Variants in FTCDNL1 observed in about 807,000 individuals in gnomAD.
The protein encoded by FTCDNL1 is formiminotransferase cyclodeaminase N-terminal like, also known as formiminotransferase N-terminal subdomain-containing protein.
FTCDNL1 carries 11 observed loss-of-function variants against 5.9 expected under a neutral mutation model. That is an observed-to-expected ratio of 1.87 (90% confidence interval 1.18 to 3.10). The LOEUF is 3.10. Among genes scored for constraint, FTCDNL1 ranks in the 30% most tolerant of loss-of-function variants. FTCDNL1 has a pLI of 0.00. For synonymous variants in FTCDNL1, 58 were observed against 24.8 expected, an observed-to-expected ratio of 2.34 and a Z score of -3.99; for missense variants, 115 against 65.5, an observed-to-expected ratio of 1.76 and a Z score of -2.61.
At chr2:199,756,686 A>G (rs557772279), downstream of FTCDNL1, among the ~76,000 whole-genome samples, 1 of 152,358 alleles carries the variant, frequency 6.6e-6, no homozygotes, top group Non-Finnish European at 1.5e-5. Flanking sequence ...AGGAGGTTGT[A>G]TCGGTCACAA....
the FTCDNL1 span, among the ~76,000 whole-genome samples, chr2:199,717,587 T>C: frequency 1.6e-5 from 2 of 128,914 alleles, no homozygotes; most frequent in Admixed American, 9.4e-5. Context: ...TTTCACAGAA[T>C]AATATACAAC....
the FTCDNL1 span, among the ~76,000 whole-genome samples, chr2:199,737,157 T>G: frequency 2.0e-5 from 3 of 152,368 alleles, no homozygotes; most frequent in South Asian, 4.1e-4. Flanking sequence ...CCAAATCTCA[T>G]GTCTGTCACT....
chr2:199,725,250 T>A, the FTCDNL1 span, among the ~76,000 whole-genome samples: 2 of 152,200 alleles, frequency 1.3e-5, no homozygotes, highest in African/African-American at 4.8e-5. Flanking sequence ...TTTTCCTTCA[T>A]CCTTTTCTTT....
intron 3 of FTCDNL1, among the ~76,000 whole-genome samples, chr2:199,776,786 T>C (rs1276909196): frequency 6.6e-6 from 1 of 152,168 alleles, no homozygotes; most frequent in African/African-American, 2.4e-5. Flanking sequence ...ACTGTATTAG[T>C]ATACTCCAGA....
At chr2:199,779,684 T>C (rs1699263582) in intron 3 of FTCDNL1, among the ~76,000 whole-genome samples, 2 of 152,088 alleles carry the variant, frequency 1.3e-5, no homozygotes, top group Admixed American at 1.3e-4. Flanking sequence ...ATAAGGACAA[T>C]CAAACCTGGA....
chr2:199,816,266 T>C (rs937798726), intron 4 of FTCDNL1, among the ~76,000 whole-genome samples: 1 of 152,192 alleles, frequency 6.6e-6, no homozygotes, highest in Non-Finnish European at 1.5e-5. Context: ...CTTGGCAAAC[T>C]GTAATTTTCC....
At chr2:199,702,253 C>A in the FTCDNL1 span, among the ~76,000 whole-genome samples, 1 of 152,150 alleles carries the variant, frequency 6.6e-6, no homozygotes, top group Non-Finnish European at 1.5e-5. Context: ...ACCCATGTAA[C>A]AAACCTGCAC....
At chr2:199,742,467 T>A in the FTCDNL1 span, among the ~76,000 whole-genome samples, 1 of 152,236 alleles carries the variant, frequency 6.6e-6, no homozygotes, top group Non-Finnish European at 1.5e-5. Flanking sequence ...ATTCTCTTCC[T>A]TATTTTAATT....
At chr2:199,801,190 C>T (rs1175104824) in intron 3 of FTCDNL1, among the ~76,000 whole-genome samples, 1 of 152,174 alleles carries the variant, frequency 6.6e-6, no homozygotes, top group African/African-American at 2.4e-5. Flanking sequence ...TCCTGGGAGC[C>T]GTTCCTGCAC....
chr2:199,845,288 C>T (rs373618251), intron 3 of FTCDNL1, among the ~76,000 whole-genome samples: 39 of 151,960 alleles, frequency 2.6e-4, no homozygotes, highest in Non-Finnish European at 4.7e-4. Flanking sequence ...CTGTCCAGGC[C>T]GGGCTCAGTG....
intron 3 of FTCDNL1, among the ~76,000 whole-genome samples, chr2:199,800,577 C>T (rs1700393183): frequency 1.3e-5 from 2 of 152,122 alleles, no homozygotes; most frequent in African/African-American, 4.8e-5. Flanking sequence ...ATAACATATA[C>T]TTATTATCTG....
chr2:199,843,394 A>G (rs1422195109), intron 3 of FTCDNL1, among the ~76,000 whole-genome samples: 1 of 152,188 alleles, frequency 6.6e-6, no homozygotes, highest in East Asian at 1.9e-4. Flanking sequence ...GGTCTGGACA[A>G]TTCTGAACTC....
intron 3 of FTCDNL1, among the ~76,000 whole-genome samples, chr2:199,831,359 G>C (rs1702359299): frequency 6.6e-6 from 1 of 152,076 alleles, no homozygotes; most frequent in South Asian, 2.1e-4. Flanking sequence ...TTGTGCACAA[G>C]AGGGACTATT....
At chr2:199,798,523 G>A (rs1700281233) in intron 3 of FTCDNL1, among the ~76,000 whole-genome samples, 1 of 152,120 alleles carries the variant, frequency 6.6e-6, no homozygotes, top group African/African-American at 2.4e-5. Context: ...TCACTTCATG[G>A]GACACATGAG....
At chr2:199,712,634 A>G in the FTCDNL1 span, among the ~76,000 whole-genome samples, 1 of 152,218 alleles carries the variant, frequency 6.6e-6, no homozygotes, top group African/African-American at 2.4e-5. Context: ...GGCAGCCAGA[A>G]GCCTTACATC....
chr2:199,765,556 A>ATATATATATATTTTTTTTT, intron 3 of FTCDNL1, among the ~76,000 whole-genome samples: 9 of 42,654 alleles, frequency 2.1e-4, no homozygotes, highest in South Asian at 1.9e-3. Context: ...ATATATATAT[A>ATATATATATATTTTTTTTT]TTTTTTTTTT....
chr2:199,742,336 G>A, the FTCDNL1 span, among the ~76,000 whole-genome samples: 1 of 152,026 alleles, frequency 6.6e-6, no homozygotes, highest in African/African-American at 2.4e-5. Context: ...AATGTGGGGT[G>A]GGGGGAATTC....
chr2:199,680,505 A>G, the FTCDNL1 span, among the ~76,000 whole-genome samples: 1 of 152,232 alleles, frequency 6.6e-6, no homozygotes, highest in East Asian at 1.9e-4. Context: ...AAACCAGGAA[A>G]AAATTAGATT....
chr2:199,774,233 G>A (rs1490795228), intron 3 of FTCDNL1, among the ~76,000 whole-genome samples: 3 of 152,020 alleles, frequency 2.0e-5, no homozygotes, highest in Non-Finnish European at 4.4e-5. Flanking sequence ...TTTTTGTCAG[G>A]GCATTAAATA....
Sources: gnomAD v4.1 joint callset for allele counts (sites outside exome capture counted in the v4.1 genomes callset) on GRCh38, gnomAD v4.1.1 for gene constraint, MANE v1.5 for transcripts, NCBI Gene and HGNC (gene_info 2026-07-23, HGNC 2026-07-21) for gene names.